Variants in LEMD2 observed in about 807,000 individuals in gnomAD.
LEMD2 encodes the protein LEM domain nuclear envelope protein 2.
LEMD2 carries 34 observed loss-of-function variants against 58.8 expected under a neutral mutation model. The ratio of observed to expected loss-of-function variants is 0.58; its 90% CI spans 0.44 to 0.77. The LOEUF is 0.77. Among genes scored for constraint, LEMD2 ranks in the 30% least tolerant of loss-of-function variants. The pLI is 0.00. For missense variants in LEMD2, 629 were observed against 717.9 expected, an observed-to-expected ratio of 0.88 and a Z score of 1.42; for synonymous variants, 298 against 308.9, an observed-to-expected ratio of 0.96 and a Z score of 0.37.
intron 1 of LEMD2, 24 bp downstream of exon 1, chr6:33,788,357 C>T (rs1295571707): frequency 6.5e-7 from 1 of 1,533,904 alleles, no homozygotes; most frequent in South Asian, 1.2e-5. Context: ...CCAGGGCCCT[C>T]CCCTGCGCCG....
intron 8 of LEMD2, among the ~76,000 whole-genome samples, chr6:33,773,389 C>T (rs1767349358): frequency 6.6e-6 from 1 of 152,146 alleles, no homozygotes; most frequent in Admixed American, 6.5e-5. Context: ...CCCTTCCAGA[C>T]TGGACAAGAA....
intron 7 of LEMD2, 27 bp from the exon 8 acceptor site, chr6:33,777,083 G>A (rs763467834): frequency 1.2e-6 from 2 of 1,610,872 alleles, no homozygotes; most frequent in Non-Finnish European, 1.7e-6. Context: ...ACCATTTAGG[G>A]CAAGGACCCT....
chr6:33,780,650 C>A (rs1166763161), intron 4 of LEMD2, among the ~76,000 whole-genome samples: 5 of 152,182 alleles, frequency 3.3e-5, no homozygotes, highest in African/African-American at 1.2e-4. Flanking sequence ...GGCAGGCGAC[C>A]TGGAATACCA....
At chr6:33,785,777 T>C (rs1449918478) in intron 2 of LEMD2, among the ~76,000 whole-genome samples, 4 of 152,240 alleles carry the variant, frequency 2.6e-5, no homozygotes, top group Non-Finnish European at 4.4e-5. Flanking sequence ...AAACTTACTA[T>C]GAATCTGTTT....
chr6:33,788,243 G>C, intron 1 of LEMD2, 138 bp downstream of exon 1: 2 of 894,920 alleles, frequency 2.2e-6, no homozygotes, highest in South Asian at 3.7e-5. Flanking sequence ...CTGGAAGAAG[G>C]CAGGCCTGGA....
In LEMD2 at chr6:33,789,101, C is replaced by T. The variant is rs1767764352; in HGVS notation, c.16G>A (p.Asp6Asn). 1 of 1,536,760 alleles carries T rather than the reference C, an allele frequency of 6.5e-7. No homozygotes were observed. Among genetic ancestry groups the T allele is most frequent in the Non-Finnish European group, 8.7e-7 (1 of 1,152,032 alleles). The change falls in exon 1 of 9, where the codon GAC becomes AAC. Residue 6 changes from aspartate (D) to asparagine (N), a missense_variant. By Grantham distance (23) the Asp-to-Asn change is conservative (BLOSUM62 1). Coordinates refer to ENST00000293760, the MANE Select transcript of LEMD2 (RefSeq NM_181336.4). Reference protein sequence around the residue: MAGLSDLELRRELQAL... With the variant: MAGLSNLELRRELQAL... ...TGCAGCTCCCGCCGCAGTTCCAGGT[C>T]CGACAGGCCGGCCATGGCCAGGACG...
rs768891530 is a variant in LEMD2, at chr6:33,778,295, C to A, written c.1103G>T (p.Arg368Leu). The A allele has an allele frequency of 1.2e-6, 2 of 1,609,100 alleles. No homozygotes were observed. The highest frequency in any genetic ancestry group is 1.7e-6 in the Non-Finnish European group (2 of 1,177,402). The change falls in exon 6 of 9, where the codon CGC becomes CTC. Residue 368 changes from arginine (R) to leucine (L), a missense_variant. By Grantham distance (102) the Arg-to-Leu change is moderately radical. Coordinates refer to ENST00000293760, the MANE Select transcript of LEMD2 (RefSeq NM_181336.4). This position sits in a 1 kb window ranked among gnomAD's most constrained non-coding sequence, Gnocchi z 4.7. ...SAHPRMGVGCRLSRALLTAVT... is the reference protein window; with the variant it reads ...SAHPRMGVGCLLSRALLTAVT... ...AGCAGTGAGCAAGGCCCGGCTCAGG[C>A]GGCAGCCAACACCCATGCGGGGGTG...
chr6:33,787,856 C>A (rs774113650), intron 1 of LEMD2, among the ~76,000 whole-genome samples: 2 of 152,216 alleles, frequency 1.3e-5, no homozygotes, highest in Non-Finnish European at 2.9e-5. Flanking sequence ...GCAAGCAAGG[C>A]TGGTAGATTC....
At chr6:33,775,417 G>A (rs911514056) in intron 8 of LEMD2, among the ~76,000 whole-genome samples, 9 of 152,182 alleles carry the variant, frequency 5.9e-5, no homozygotes, top group Non-Finnish European at 7.4e-5. Flanking sequence ...TCCTGGGCTC[G>A]AGTGATCCTC....
At chr6:33,775,740 T>C (rs930103429) in intron 8 of LEMD2, among the ~76,000 whole-genome samples, 1 of 152,214 alleles carries the variant, frequency 6.6e-6, no homozygotes, top group Non-Finnish European at 1.5e-5. Context: ...CTTGAGCACA[T>C]TCCTCTACTT....
In LEMD2 at chr6:33,788,324, T is replaced by C. The variant is rs1767730887; in HGVS notation, c.736+57A>G. The stretch of plus-strand genomic sequence containing the variant: ...GCCTGGCGCCGACAGGAACGGGGGG[T>C]CCTCCGGCGGACACACGCGCGCCCA... On this transcript the variant is annotated intron_variant, in intron 1 of 8. Coordinates refer to ENST00000293760, the MANE Select transcript of LEMD2 (RefSeq NM_181336.4). The C allele has an allele frequency of 7.5e-6, 11 of 1,474,096 alleles. No homozygotes were observed. The Admixed American group carries it at 1.7e-4, about 23-fold the overall frequency. The allele number at this position is 1,474,096 out of a possible 1,614,324, so 91.3% of individuals were successfully genotyped here.
intron 8 of LEMD2, among the ~76,000 whole-genome samples, chr6:33,774,199 T>G (rs1582250919): frequency 7.3e-6 from 1 of 136,720 alleles, no homozygotes; most frequent in South Asian, 2.3e-4. Context: ...TGAGATGGAG[T>G]CTCACTGTGT....
intron 1 of LEMD2, among the ~76,000 whole-genome samples, chr6:33,787,771 C>G (rs532578911): frequency 6.6e-6 from 1 of 152,302 alleles, no homozygotes; most frequent in African/African-American, 2.4e-5. Context: ...GTCGTAGTCT[C>G]TCTCTTAACA....
In LEMD2 at chr6:33,778,215, G is replaced by A. The variant is rs1259754528; in HGVS notation, c.1156+27C>T. On this transcript the variant is annotated intron_variant, in intron 6 of 8. Transcript: ENST00000293760. The surrounding 1 kb of genome is among the most constrained non-coding windows in gnomAD (Gnocchi z 4.7). ...TAGGAGTATGCTTGACTGCACAGAA[G>A]GGGAGGGAAGGCGGCCGAGGACTTA... 2.6e-6 allele frequency: 4 copies of A among 1,562,056 alleles called. No individual in the cohort carries two copies. The highest frequency in any genetic ancestry group is 2.6e-6 in the Non-Finnish European group (3 of 1,151,536).
intron 8 of LEMD2, among the ~76,000 whole-genome samples, chr6:33,773,603 G>GGT (rs112082202): frequency 2.0e-5 from 3 of 149,182 alleles, no homozygotes; most frequent in Non-Finnish European, 3.0e-5. Context: ...GCGGGGGGGG[G>GGT]GCTAGGGCTT....
At position 33,780,194 on chromosome 6, in the gene LEMD2, G is replaced by A. The variant is rs1268644056; in HGVS notation, c.931-15C>T. The A allele has an allele frequency of 3.2e-6, 5 of 1,575,256 alleles. No homozygotes were observed. The highest frequency in any genetic ancestry group is 2.7e-5 in the African/African-American group (2 of 74,186). On this transcript the variant is annotated splice_polypyrimidine_tract_variant and intron_variant, in intron 4 of 8. Transcript: ENST00000293760. The stretch of plus-strand genomic sequence containing the variant: ...CTGGTCACATTCTGTGGGAGGGCGC[G>A]GGAGAAGGTTAGTTCGGCGTCTGGG...
Position 33,788,755 on chromosome 6 carries a change from G to T in LEMD2, c.362C>A (p.Ala121Asp). The T allele has an allele frequency of 6.9e-7, 1 of 1,446,820 alleles. No homozygotes were observed. Among genetic ancestry groups the T allele is most frequent in the Non-Finnish European group, 9.1e-7 (1 of 1,101,602 alleles). The allele number at this position is 1,446,820 out of a possible 1,614,324, so 89.6% of individuals were successfully genotyped here. Reference sequence around the variant, plus strand: ...GAGTTGCGCCGGGCGGGCAGGATAGGCGAGGCCGCGGCTCCCTACCCAGGA... The same window carrying T: ...GAGTTGCGCCGGGCGGGCAGGATAGTCGAGGCCGCGGCTCCCTACCCAGGA... Reference protein sequence around the residue: ...AASWVGSRGLAYPARPAQLRR... With the variant: ...AASWVGSRGLDYPARPAQLRR... Residue 121 changes from alanine to aspartate, a missense_variant, in exon 1 of 9, where the codon GCC becomes GAC. Ala to Asp is a moderately radical substitution (Grantham distance 126). This residue lies in a region of LEMD2 where 386 missense variants were observed against 381.1 expected (regional missense o/e 1.01). Transcript: ENST00000293760.
At position 33,788,872 on chromosome 6, in the gene LEMD2, G is replaced by C. The variant is rs1036558159; in HGVS notation, c.245C>G (p.Ser82Cys). 2 of 1,376,436 alleles carry C rather than the reference G, an allele frequency of 1.5e-6. No homozygotes were observed. Among genetic ancestry groups the C allele is most frequent in the Non-Finnish European group, 1.9e-6 (2 of 1,073,202 alleles). 85.3% of individuals were successfully genotyped at this position (1,376,436 alleles called of 1,614,324 possible). A position where few individuals can be genotyped will look rare whatever the true frequency, so the allele number is the denominator to read the frequency against. Residue 82 changes from serine to cysteine, a missense_variant, in exon 1 of 9, where the codon TCT becomes TGT. Physicochemically the swap from Ser to Cys is moderately radical, Grantham distance 112. This residue lies in a region of LEMD2 where 386 missense variants were observed against 381.1 expected (regional missense o/e 1.01). Coordinates refer to ENST00000293760, the MANE Select transcript of LEMD2 (RefSeq NM_181336.4). ...GGAGAGCCAGGGCTCCGCCCGCGGA[G>C]AGGCCGCGGCGGGCCGGGCGCGCAG... ...APLRARPAAA[S>C]PRAEPWLSQP...
intron 6 of LEMD2, 95 bp from the exon 7 acceptor site, chr6:33,777,334 C>T: frequency 1.1e-6 from 1 of 887,044 alleles, no homozygotes; most frequent in Non-Finnish European, 1.9e-6. Flanking sequence ...GTGGGGGATC[C>T]ACCACATGGG....
Sources: gnomAD v4.1 joint callset for allele counts (sites outside exome capture counted in the v4.1 genomes callset) on GRCh38, gnomAD v4.1.1 for gene constraint, gnomAD v4.1.1 regional missense constraint, Gnocchi (gnomAD v3.1) non-coding constraint, MANE v1.5 for transcripts, NCBI Gene and HGNC (gene_info 2026-07-23, HGNC 2026-07-21) for gene names.